MERTK: variants seen among roughly 807,000 people sequenced by gnomAD.
MERTK encodes the protein tyrosine-protein kinase Mer.
Under a neutral mutation model 99.3 loss-of-function variants are expected in MERTK, and 69 were observed. The ratio of observed to expected loss-of-function variants is 0.70; its 90% CI spans 0.57 to 0.85. The LOEUF (loss-of-function observed/expected upper bound fraction) is 0.85, where lower values mean the gene tolerates loss of function less well. Ranked by LOEUF, MERTK falls within the 40% of genes least tolerant of loss-of-function variation. The pLI is 0.00. For synonymous variants in MERTK, 426 were observed against 467.6 expected (o/e 0.91, Z 1.15); for missense variants, 1,125 against 1,249.4 (o/e 0.90, Z 1.50).
intron 6 of MERTK, among the ~76,000 whole-genome samples, chr2:111,974,724 ACACCACTG>A (rs1676203526): frequency 7.0e-6 from 1 of 143,600 alleles, no homozygotes; most frequent in Admixed American, 7.4e-5. Context: ...AGTTGAGATA[ACACCACTG>A]CACTCCAGCC....
chr2:112,006,053 G>T (rs558856366), intron 13 of MERTK, among the ~76,000 whole-genome samples: 7 of 151,860 alleles, frequency 4.6e-5, no homozygotes, highest in Non-Finnish European at 8.8e-5. Flanking sequence ...GCTAATTTTT[G>T]TATTTTTTTC....
At chr2:112,002,802 G>A (rs528917033) in intron 11 of MERTK, among the ~76,000 whole-genome samples, 5 of 152,056 alleles carry the variant, frequency 3.3e-5, no homozygotes, top group East Asian at 1.9e-4. Flanking sequence ...GATAAAACCC[G>A]TCTCTACTGA....
At chr2:111,899,230 G>T (rs1387333360) in intron 1 of MERTK, among the ~76,000 whole-genome samples, 3 of 152,244 alleles carry the variant, frequency 2.0e-5, no homozygotes, top group African/African-American at 7.2e-5. Context: ...GGGGGCCACA[G>T]ATCCGGTCTC....
rs545980978 is a variant in MERTK at position 111,926,655 on chromosome 2, A to T, written c.62-2465A>T. On this transcript the variant is annotated intron_variant, in intron 1 of 18. Transcript: ENST00000295408. ...GGCAGGAAAATCACTTGAACCTGGGAGGCAGAGGTTGCAGAGAACTGAGAT... is the reference window on the plus strand; with the variant it reads ...GGCAGGAAAATCACTTGAACCTGGGTGGCAGAGGTTGCAGAGAACTGAGAT... 2.8e-4 allele frequency among the ~76,000 whole-genome samples: 43 copies of T among 152,344 alleles called. 1 individual carries two copies. The highest frequency in any genetic ancestry group is 9.9e-4 in the African/African-American group (41 of 41,580).
chr2:111,961,162 T>C (rs1456731505), intron 4 of MERTK, among the ~76,000 whole-genome samples: 2 of 139,902 alleles, frequency 1.4e-5, no homozygotes, highest in African/African-American at 5.4e-5. Flanking sequence ...CTTTCTTTTT[T>C]TTTTTTTTTT....
At chr2:112,002,388 C>T (rs1483123605) in intron 11 of MERTK, among the ~76,000 whole-genome samples, 1 of 151,924 alleles carries the variant, frequency 6.6e-6, no homozygotes, top group Non-Finnish European at 1.5e-5. Context: ...GGGTAGGGGA[C>T]GTGTGGTTCT....
At chr2:111,992,137 T>A (rs1558799699) in intron 8 of MERTK, among the ~76,000 whole-genome samples, 1 of 152,100 alleles carries the variant, frequency 6.6e-6, no homozygotes, top group Non-Finnish European at 1.5e-5. Flanking sequence ...CTGTTTCCAT[T>A]CCCTGGAGGA....
At chr2:111,990,476 G>A (rs13414207) in intron 8 of MERTK, among the ~76,000 whole-genome samples, 9,758 of 152,090 alleles carry the variant, frequency 0.064, 366 homozygotes, top group African/African-American at 0.11. Flanking sequence ...GGCCATCATC[G>A]AACGGTGGGT....
intron 1 of MERTK, among the ~76,000 whole-genome samples, chr2:111,914,168 G>A (rs1215293939): frequency 2.2e-5 from 3 of 137,374 alleles, no homozygotes; most frequent in Non-Finnish European, 3.0e-5. Flanking sequence ...GCAGTGGCAC[G>A]ATCTTGGCTC....
intron 7 of MERTK, among the ~76,000 whole-genome samples, chr2:111,980,968 G>A (rs1676361066): frequency 6.6e-6 from 1 of 152,108 alleles, no homozygotes; most frequent in Non-Finnish European, 1.5e-5. Flanking sequence ...ATCATAGAGG[G>A]GTTTTGGGAG....
intron 6 of MERTK, 79 bp from the exon 7 acceptor site, chr2:111,975,210 A>G (rs1366703807): frequency 7.2e-7 from 1 of 1,396,208 alleles, no homozygotes; most frequent in East Asian, 2.3e-5. Flanking sequence ...GGCCACGTGC[A>G]CCGAATGCAC....
intron 8 of MERTK, among the ~76,000 whole-genome samples, chr2:111,985,198 G>A (rs888514441): frequency 4.6e-5 from 7 of 152,128 alleles, no homozygotes; most frequent in African/African-American, 1.7e-4. Flanking sequence ...AAACCCAGAG[G>A]GACATTTGAT....
intron 1 of MERTK, among the ~76,000 whole-genome samples, chr2:111,911,843 C>G (rs1169653676): frequency 4.6e-5 from 7 of 151,722 alleles, no homozygotes; most frequent in Non-Finnish European, 1.0e-4. Flanking sequence ...TGCATGCCAA[C>G]ACAGCCAGCT....
At chr2:111,898,820 A>C (rs1349795209) in intron 1 of MERTK, 24 bp downstream of exon 1, 2 of 1,573,220 alleles carry the variant, frequency 1.3e-6, no homozygotes, top group Middle Eastern at 1.7e-4. Context: ...GCTGGGGGCC[A>C]GGCGAGGGGG....
At chr2:111,941,370 G>A (rs1684862965) in intron 2 of MERTK, among the ~76,000 whole-genome samples, 1 of 152,180 alleles carries the variant, frequency 6.6e-6, no homozygotes, top group Non-Finnish European at 1.5e-5. Context: ...AAGCCCCCAT[G>A]TGGTGGGTCT....
At chr2:111,978,896 G>T (rs938401407) in intron 7 of MERTK, among the ~76,000 whole-genome samples, 11 of 152,208 alleles carry the variant, frequency 7.2e-5, no homozygotes, top group African/African-American at 2.7e-4. Flanking sequence ...GATTTATTAG[G>T]CAGAACCTGA....
chr2:111,963,569 C>T (rs977164882), intron 4 of MERTK, among the ~76,000 whole-genome samples: 4 of 128,858 alleles, frequency 3.1e-5, no homozygotes, highest in African/African-American at 8.0e-5. Flanking sequence ...TGACTCTTAA[C>T]GAGCATGCTG....
intron 1 of MERTK, among the ~76,000 whole-genome samples, chr2:111,905,433 CTTTTTTTT>C (rs61232340): frequency 2.3e-5 from 2 of 85,266 alleles, no homozygotes; most frequent in Admixed American, 3.6e-4. Context: ...CTACACTGTT[CTTTTTTTT>C]TTTTTTTTTT....
intron 15 of MERTK, among the ~76,000 whole-genome samples, chr2:112,012,204 G>A (rs1401375062): frequency 6.6e-6 from 1 of 152,110 alleles, no homozygotes; most frequent in East Asian, 1.9e-4. Flanking sequence ...AGGAGGGATT[G>A]TGCAGAGAAA....
Sources: gnomAD v4.1 joint callset for allele counts (sites outside exome capture counted in the v4.1 genomes callset) on GRCh38, gnomAD v4.1.1 for gene constraint, MANE v1.5 for transcripts, NCBI Gene and HGNC (gene_info 2026-07-23, HGNC 2026-07-21) for gene names.